The following FAM186A variants were observed in gnomAD, a reference collection of about 807,000 sequenced individuals.
FAM186A encodes the protein family with sequence similarity 186 member A.
FAM186A carries 163 observed loss-of-function variants against 216.8 expected under a neutral mutation model. The observed-to-expected ratio is 0.75, with a 90% CI of 0.66 to 0.86. FAM186A has a LOEUF of 0.86. Among genes scored for constraint, FAM186A ranks in the 40% least tolerant of loss-of-function variants. The probability of loss-of-function intolerance (pLI) is 0.00; values close to 1 mark genes in which losing one functional copy is unlikely to be tolerated. For missense variants in FAM186A, 2,184 were observed against 2,746.2 expected (o/e 0.80, Z 4.58); for synonymous variants, 805 against 1,025.3 (o/e 0.79, Z 4.10).
chr12:50,378,296 C>T (rs555708217), intron 1 of FAM186A, among the ~76,000 whole-genome samples: 4 of 151,572 alleles, frequency 2.6e-5, no homozygotes, highest in Admixed American at 2.6e-4. Context: ...TTTGGGAGGC[C>T]GAGGTGGGTG....
At chr12:50,382,246 CAA>C (rs562315357) in intron 1 of FAM186A, among the ~76,000 whole-genome samples, 30 of 57,148 alleles carry the variant, frequency 5.2e-4, no homozygotes, top group Admixed American at 8.2e-4. Context: ...AACTCCAACT[CAA>C]AAAAAAAAAA....
At position 50,348,113 on chromosome 12, in the gene FAM186A, C is replaced by G. The variant is rs533765148; in HGVS notation, c.6503+2216G>C. On this transcript the variant is annotated intron_variant, in intron 4 of 7. Coordinates refer to ENST00000327337, the MANE Select transcript of FAM186A (RefSeq NM_001145475.3). ...AGGCTGGAGTGCAATGGCGCAATCT[C>G]TGCTCACTGCAACCTCCACCTCCCG... Among the ~76,000 whole-genome samples the G allele has an allele frequency of 2.1e-5, 3 of 142,508 alleles. No homozygotes were observed. The South Asian group carries it at 6.7e-4, about 32-fold the overall frequency. 93.5% of individuals were successfully genotyped at this position (142,508 alleles called of 152,430 possible).
intron 1 of FAM186A, among the ~76,000 whole-genome samples, chr12:50,375,851 C>T (rs1943192924): frequency 1.3e-5 from 2 of 152,062 alleles, no homozygotes; most frequent in African/African-American, 2.4e-5. Flanking sequence ...TTGCTCATGC[C>T]CACTGGGCTC....
chr12:50,378,094 A>G (rs960457503), intron 1 of FAM186A, among the ~76,000 whole-genome samples: 2 of 151,814 alleles, frequency 1.3e-5, no homozygotes, highest in African/African-American at 4.8e-5. Flanking sequence ...CGTGGTGGCC[A>G]CATGCCTGTA....
At chr12:50,369,496 C>CAAA (rs35493660) in intron 1 of FAM186A, among the ~76,000 whole-genome samples, 11 of 114,320 alleles carry the variant, frequency 9.6e-5, no homozygotes, top group East Asian at 2.5e-4. Flanking sequence ...GACTCCGTCT[C>CAAA]AAAAAAAAAA....
At chr12:50,386,839 T>C (rs1943308827) in intron 1 of FAM186A, among the ~76,000 whole-genome samples, 1 of 149,700 alleles carries the variant, frequency 6.7e-6, no homozygotes, top group Non-Finnish European at 1.5e-5. Context: ...ATCGTGCCAC[T>C]GCACTCCAGC....
At chr12:50,348,880 A>G (rs1032488614) in intron 4 of FAM186A, among the ~76,000 whole-genome samples, 1 of 152,024 alleles carries the variant, frequency 6.6e-6, no homozygotes, top group Non-Finnish European at 1.5e-5. Context: ...TTTTCTTTTC[A>G]TTAAAAAATT....
intron 2 of FAM186A, among the ~76,000 whole-genome samples, chr12:50,361,440 C>T (rs1943034422): frequency 6.6e-6 from 1 of 151,930 alleles, no homozygotes; most frequent in South Asian, 2.1e-4. Context: ...CTCAGGTGAT[C>T]TGCCCGCCTC....
At chr12:50,360,207 G>GT (rs1943018346) in intron 3 of FAM186A, among the ~76,000 whole-genome samples, 1 of 146,498 alleles carries the variant, frequency 6.8e-6, no homozygotes, top group African/African-American at 2.6e-5. Context: ...TCTGGCCACT[G>GT]CACTCCAGCC....
chr12:50,358,323 A>G (rs567122230), intron 3 of FAM186A, among the ~76,000 whole-genome samples: 113 of 152,188 alleles, frequency 7.4e-4, no homozygotes, highest in African/African-American at 2.7e-3. Flanking sequence ...ACTCATGCCT[A>G]TAATCCCAGA....
At chr12:50,336,188 A>G (rs1942706750) in intron 4 of FAM186A, among the ~76,000 whole-genome samples, 1 of 151,250 alleles carries the variant, frequency 6.6e-6, no homozygotes, top group Non-Finnish European at 1.5e-5. Context: ...ATTTTGAGGG[A>G]CAGTCATAAA....
chr12:50,353,914 C>G lies in FAM186A; in HGVS notation c.2918G>C (p.Arg973Thr). Residue 973 changes from arginine to threonine, a missense_variant, in exon 4 of 8, where the codon AGA becomes ACA. Arg to Thr is a moderately conservative substitution (Grantham distance 71). Coordinates refer to ENST00000327337, the MANE Select transcript of FAM186A (RefSeq NM_001145475.3). Reference protein sequence around the residue: ...EKGKEKQKPERGLEDLERQIK... With the variant: ...EKGKEKQKPETGLEDLERQIK... ...CTGCCTTTCGAGGTCCTCTAGCCCT[C>G]TCTCTGGCTTCTGCTTTTCCTTCCC... is the stretch of plus-strand genomic sequence containing the variant. 1 of 1,553,072 alleles carries G rather than the reference C, an allele frequency of 6.4e-7. No homozygotes were observed. Among genetic ancestry groups the G allele is most frequent in the Non-Finnish European group, 8.7e-7 (1 of 1,147,826 alleles).
chr12:50,362,608 G>A (rs1943046427), intron 2 of FAM186A, among the ~76,000 whole-genome samples: 2 of 151,926 alleles, frequency 1.3e-5, no homozygotes, highest in South Asian at 2.1e-4. Context: ...GCCGGGCGTG[G>A]TGCTGCATGC....
At chr12:50,380,692 TAAA>T (rs778024988) in intron 1 of FAM186A, among the ~76,000 whole-genome samples, 2 of 138,522 alleles carry the variant, frequency 1.4e-5, no homozygotes, top group African/African-American at 5.3e-5. Flanking sequence ...TGAGACTGTC[TAAA>T]AAAAAAAAAA....
At chr12:50,388,344 C>G (rs760464778) in intron 1 of FAM186A, among the ~76,000 whole-genome samples, 1 of 152,280 alleles carries the variant, frequency 6.6e-6, no homozygotes, top group African/African-American at 2.4e-5. Context: ...GCCAGGCGGG[C>G]GCAGTGGCTC....
chr12:50,393,651 A>G (rs1565899404), intron 1 of FAM186A, among the ~76,000 whole-genome samples: 1 of 152,052 alleles, frequency 6.6e-6, no homozygotes, highest in Non-Finnish European at 1.5e-5. Flanking sequence ...GTCCAAGACC[A>G]GCCTGGGCAA....
At chr12:50,328,101 G>T (rs1167959571) in intron 7 of FAM186A, among the ~76,000 whole-genome samples, 1 of 152,248 alleles carries the variant, frequency 6.6e-6, no homozygotes, top group East Asian at 1.9e-4. Context: ...TGGAATTTTT[G>T]TAGGAAAATA....
intron 2 of FAM186A, among the ~76,000 whole-genome samples, chr12:50,361,695 C>G (rs1464677066): frequency 6.6e-6 from 1 of 150,920 alleles, no homozygotes; most frequent in Admixed American, 6.6e-5. Context: ...CTCAGCCTCC[C>G]TAGTAGCTGG....
Position 50,356,076 on chromosome 12 carries a change from T to G in FAM186A, c.756A>C (p.Thr252=), listed in dbSNP as rs1942973734. 1.9e-6 allele frequency: 3 copies of G among 1,551,538 alleles called. No individual in the cohort carries two copies. Among genetic ancestry groups the G allele is most frequent in the African/African-American group, 1.4e-5 (1 of 73,056 alleles). ...QELIGTTMFS[T]LENNAIKYIS... Reference sequence around the variant, plus strand: ...TATATTTAATAGCATTGTTTTCCAATGTACTGAACATTGTGGTGCCTATGA... The same window carrying G: ...TATATTTAATAGCATTGTTTTCCAAGGTACTGAACATTGTGGTGCCTATGA... The change falls in exon 4 of 8, where the codon ACA becomes ACC. Residue 252 remains threonine (T), a synonymous_variant. Coordinates refer to ENST00000327337, the MANE Select transcript of FAM186A (RefSeq NM_001145475.3).
Sources: gnomAD v4.1 joint callset for allele counts (sites outside exome capture counted in the v4.1 genomes callset) on GRCh38, gnomAD v4.1.1 for gene constraint, MANE v1.5 for transcripts, NCBI Gene and HGNC (gene_info 2026-07-23, HGNC 2026-07-21) for gene names.